LCLAT1: variants seen among roughly 807,000 people sequenced by gnomAD.
LCLAT1 encodes lysocardiolipin acyltransferase 1.
LCLAT1 carries 11 observed loss-of-function variants against 30.7 expected under a neutral mutation model. The ratio of observed to expected loss-of-function variants is 0.36; its 90% CI spans 0.23 to 0.59. The LOEUF (loss-of-function observed/expected upper bound fraction) is 0.59, where lower values mean the gene tolerates loss of function less well. Ranked by LOEUF, LCLAT1 falls within the 20% of genes least tolerant of loss-of-function variation. The pLI is 0.77. For missense variants in LCLAT1, 402 were observed against 458.6 expected (o/e 0.88, Z 1.13); for synonymous variants, 155 against 151.3 (o/e 1.02, Z -0.18).
intron 1 of LCLAT1, among the ~76,000 whole-genome samples, chr2:30,510,998 T>C (rs1684913932): frequency 6.6e-6 from 1 of 152,202 alleles, no homozygotes; most frequent in Non-Finnish European, 1.5e-5. Flanking sequence ...GAAGTTTTCT[T>C]TTCCCCTGAA....
chr2:30,584,136 T>G (rs1471877971), intron 5 of LCLAT1, among the ~76,000 whole-genome samples: 2 of 152,130 alleles, frequency 1.3e-5, no homozygotes, highest in African/African-American at 4.8e-5. Context: ...TTGTTTTTAT[T>G]TCTATTTGTG....
At chr2:30,535,048 C>G (rs937896569) in intron 3 of LCLAT1, among the ~76,000 whole-genome samples, 11 of 152,012 alleles carry the variant, frequency 7.2e-5, no homozygotes, top group African/African-American at 2.7e-4. Flanking sequence ...CTGACATTAA[C>G]AGAAAATGAA....
At chr2:30,614,082 A>G (rs1435418311) in intron 5 of LCLAT1, among the ~76,000 whole-genome samples, 1 of 12,224 alleles carries the variant, frequency 8.2e-5, no homozygotes, top group Admixed American at 8.1e-4. Flanking sequence ...ATTTCAGACT[A>G]TCACATGGGG....
chr2:30,554,935 T>C (rs532807709), intron 3 of LCLAT1, among the ~76,000 whole-genome samples: 9 of 151,952 alleles, frequency 5.9e-5, no homozygotes, highest in African/African-American at 2.2e-4. Context: ...GAGAAAAAAA[T>C]ATATATTTTC....
intron 1 of LCLAT1, among the ~76,000 whole-genome samples, chr2:30,478,583 C>T (rs566608548): frequency 5.9e-5 from 9 of 151,960 alleles, no homozygotes; most frequent in Non-Finnish European, 1.2e-4. Flanking sequence ...GAGGCTGAGA[C>T]GGGAGGATCA....
At chr2:30,625,705 T>TA (rs1238658751) in intron 5 of LCLAT1, among the ~76,000 whole-genome samples, 7 of 152,328 alleles carry the variant, frequency 4.6e-5, no homozygotes, top group Non-Finnish European at 8.8e-5. Context: ...TACAAGAATG[T>TA]AATTTAAACA....
intron 5 of LCLAT1, among the ~76,000 whole-genome samples, chr2:30,603,992 A>G (rs1667309382): frequency 6.6e-6 from 1 of 152,200 alleles, no homozygotes; most frequent in Non-Finnish European, 1.5e-5. Context: ...CTACATAATT[A>G]TACTGTGAAT....
chr2:30,461,049 G>T (rs1449579208), intron 1 of LCLAT1, among the ~76,000 whole-genome samples: 1 of 152,210 alleles, frequency 6.6e-6, no homozygotes, highest in Non-Finnish European at 1.5e-5. Flanking sequence ...AACTGTGATT[G>T]TATAGTGCTT....
At chr2:30,461,839 C>T (rs922826717) in intron 1 of LCLAT1, among the ~76,000 whole-genome samples, 3 of 145,582 alleles carry the variant, frequency 2.1e-5, no homozygotes, top group Non-Finnish European at 4.5e-5. Context: ...GGCGCGATCT[C>T]GGCTCACTGC....
chr2:30,603,221 T>C (rs1373930943), intron 5 of LCLAT1, among the ~76,000 whole-genome samples: 1 of 152,116 alleles, frequency 6.6e-6, no homozygotes, highest in African/African-American at 2.4e-5. Flanking sequence ...AGAGAATTGT[T>C]TTCTCTTTGC....
intron 1 of LCLAT1, 78 bp from the exon 2 acceptor site, chr2:30,525,509 T>A (rs1211623787): frequency 9.0e-7 from 1 of 1,116,938 alleles, no homozygotes; most frequent in Admixed American, 1.8e-5. Flanking sequence ...GTGATCATTC[T>A]ATGCTCCATC....
At chr2:30,526,325 C>T (rs1038279428) in intron 2 of LCLAT1, among the ~76,000 whole-genome samples, 4 of 151,984 alleles carry the variant, frequency 2.6e-5, no homozygotes, top group Non-Finnish European at 4.4e-5. Flanking sequence ...TATTTTTTCC[C>T]TGTATTTTTC....
chr2:30,540,405 A>G (rs1187154256), intron 3 of LCLAT1, among the ~76,000 whole-genome samples: 1 of 152,182 alleles, frequency 6.6e-6, no homozygotes, highest in African/African-American at 2.4e-5. Context: ...CTTACTAATA[A>G]TGTTGCAGTG....
At chr2:30,477,328 G>A (rs572888148) in intron 1 of LCLAT1, among the ~76,000 whole-genome samples, 16 of 152,044 alleles carry the variant, frequency 1.1e-4, no homozygotes, top group Admixed American at 2.6e-4. Flanking sequence ...GTACCTGTTT[G>A]TGGTGTATTC....
intron 1 of LCLAT1, among the ~76,000 whole-genome samples, chr2:30,524,412 G>A (rs921730845): frequency 3.3e-5 from 5 of 152,210 alleles, no homozygotes; most frequent in Admixed American, 1.3e-4. Flanking sequence ...CTGCTAACTT[G>A]TCATTGTTTT....
At chr2:30,618,228 A>T (rs1455170150) in intron 5 of LCLAT1, among the ~76,000 whole-genome samples, 1 of 151,920 alleles carries the variant, frequency 6.6e-6, no homozygotes, top group Non-Finnish European at 1.5e-5. Context: ...TTCTTTTTCA[A>T]AATTGTTTTC....
At chr2:30,592,348 C>T (rs1666734090) in intron 5 of LCLAT1, among the ~76,000 whole-genome samples, 1 of 152,126 alleles carries the variant, frequency 6.6e-6, no homozygotes. Context: ...GGCATGGTGG[C>T]ACATGCCTGT....
chr2:30,479,910 A>T (rs1021160612), intron 1 of LCLAT1, among the ~76,000 whole-genome samples: 8 of 152,204 alleles, frequency 5.3e-5, no homozygotes, highest in African/African-American at 9.6e-5. Context: ...CTGTGATTTT[A>T]GGTAACTCAT....
intron 1 of LCLAT1, among the ~76,000 whole-genome samples, chr2:30,473,081 G>C (rs1323882206): frequency 6.6e-6 from 1 of 152,152 alleles, no homozygotes; most frequent in Non-Finnish European, 1.5e-5. Context: ...TCAGGAGAGA[G>C]ATTTCCATCT....
Sources: allele counts gnomAD v4.1 joint callset (sites outside exome capture counted in the v4.1 genomes callset), GRCh38; gene constraint gnomAD v4.1.1; transcripts MANE v1.5; gene names NCBI Gene and HGNC (gene_info 2026-07-23, HGNC 2026-07-21).